Variants in PPFIA2 observed in about 807,000 individuals in gnomAD.
The protein encoded by PPFIA2 is liprin-alpha-2.
PPFIA2 carries 46 observed loss-of-function variants against 175.5 expected under a neutral mutation model. That is an observed-to-expected ratio of 0.26 (90% CI 0.21 to 0.34). The LOEUF (loss-of-function observed/expected upper bound fraction) is 0.34, where lower values mean the gene tolerates loss of function less well. Ranked by LOEUF, PPFIA2 falls within the 10% of genes least tolerant of loss-of-function variation. The pLI is 1.00. For missense variants in PPFIA2, 1,179 were observed against 1,506.1 expected (o/e 0.78, Z 3.60); for synonymous variants, 568 against 511.4 (o/e 1.11, Z -1.49).
intron 4 of PPFIA2, among the ~76,000 whole-genome samples, chr12:81,566,989 G>A (rs184647538): frequency 6.6e-6 from 1 of 152,320 alleles, no homozygotes; most frequent in African/African-American, 2.4e-5. Context: ...TAGTAATGCA[G>A]TTTATAAAAT....
chr12:81,541,681 C>T (rs1594732588), intron 4 of PPFIA2, among the ~76,000 whole-genome samples: 3 of 152,106 alleles, frequency 2.0e-5, no homozygotes, highest in Admixed American at 2.0e-4. Flanking sequence ...TAAAAAAAAC[C>T]CTGCTAATAG....
chr12:81,690,953 T>C (rs2075168537), intron 3 of PPFIA2, among the ~76,000 whole-genome samples: 1 of 152,144 alleles, frequency 6.6e-6, no homozygotes, highest in African/African-American at 2.4e-5. Flanking sequence ...GCCTCCTTCT[T>C]ATAAGGACTC....
intron 4 of PPFIA2, among the ~76,000 whole-genome samples, chr12:81,521,651 CAAAAAAA>C (rs1167533871): frequency 1.4e-4 from 12 of 87,534 alleles, no homozygotes; most frequent in Non-Finnish European, 2.2e-4. Context: ...TAATAAAATA[CAAAAAAA>C]AAAAAAAAAA....
At chr12:81,483,809 G>T (rs926645134) in intron 4 of PPFIA2, among the ~76,000 whole-genome samples, 5 of 151,882 alleles carry the variant, frequency 3.3e-5, no homozygotes, top group Non-Finnish European at 7.4e-5. Flanking sequence ...AATTCTATAA[G>T]ATATATATTT....
intron 4 of PPFIA2, among the ~76,000 whole-genome samples, chr12:81,664,302 C>T (rs1293695376): frequency 6.6e-6 from 1 of 152,036 alleles, no homozygotes; most frequent in Middle Eastern, 3.4e-3. Flanking sequence ...TGACAAAGGG[C>T]TAATATCCAG....
intron 4 of PPFIA2, among the ~76,000 whole-genome samples, chr12:81,610,085 A>G (rs566444293): frequency 2.0e-5 from 3 of 152,266 alleles, no homozygotes; most frequent in African/African-American, 7.2e-5. Context: ...GGACACTGAT[A>G]ACAGTCTCCC....
At chr12:81,261,871 A>G in intron 32 of PPFIA2, 78 bp downstream of exon 32, 2 of 925,772 alleles carry the variant, frequency 2.2e-6, no homozygotes, top group Admixed American at 5.1e-5. Context: ...ACCAAAGAGT[A>G]TAGTGTATAT....
At chr12:81,349,833 G>C (rs924657416) in intron 17 of PPFIA2, among the ~76,000 whole-genome samples, 2 of 152,140 alleles carry the variant, frequency 1.3e-5, no homozygotes, top group Non-Finnish European at 2.9e-5. Flanking sequence ...TGTGGCAAAT[G>C]AGTTTGAAGT....
chr12:81,590,438 C>A (rs924408444), intron 4 of PPFIA2, among the ~76,000 whole-genome samples: 1 of 152,128 alleles, frequency 6.6e-6, no homozygotes, highest in African/African-American at 2.4e-5. Context: ...TATCCATATA[C>A]TAATTACCAT....
chr12:81,423,626 C>A (rs1056908013), intron 7 of PPFIA2, among the ~76,000 whole-genome samples: 1 of 152,102 alleles, frequency 6.6e-6, no homozygotes, highest in Non-Finnish European at 1.5e-5. Flanking sequence ...GGGAAAAGTA[C>A]ATAGCTAACA....
At chr12:81,389,883 C>T (rs1759771582) in intron 8 of PPFIA2, among the ~76,000 whole-genome samples, 1 of 152,018 alleles carries the variant, frequency 6.6e-6, no homozygotes, top group Admixed American at 6.6e-5. Context: ...GCGCAACTAT[C>T]AACATTAGTT....
chr12:81,624,690 A>G (rs992167265), intron 4 of PPFIA2, among the ~76,000 whole-genome samples: 1 of 149,588 alleles, frequency 6.7e-6, no homozygotes, highest in Non-Finnish European at 1.5e-5. Context: ...ACTTGGATGG[A>G]GCTGGAAGCC....
chr12:81,437,021 A>T (rs1177057758), intron 7 of PPFIA2, among the ~76,000 whole-genome samples: 1 of 152,222 alleles, frequency 6.6e-6, no homozygotes, highest in Non-Finnish European at 1.5e-5. Context: ...GTAGATACAC[A>T]GGAGTGCTAA....
At chr12:81,560,102 G>A (rs1353306074) in intron 4 of PPFIA2, among the ~76,000 whole-genome samples, 1 of 152,084 alleles carries the variant, frequency 6.6e-6, no homozygotes, top group Non-Finnish European at 1.5e-5. Context: ...AATAATACAG[G>A]TACTGTAGAC....
At chr12:81,361,188 G>A (rs2030068941) in intron 15 of PPFIA2, among the ~76,000 whole-genome samples, 1 of 151,590 alleles carries the variant, frequency 6.6e-6, no homozygotes, top group Non-Finnish European at 1.5e-5. Context: ...ACAACACTTT[G>A]AAACTCTGTA....
At chr12:81,524,198 G>A (rs906988571) in intron 4 of PPFIA2, among the ~76,000 whole-genome samples, 34 of 152,136 alleles carry the variant, frequency 2.2e-4, no homozygotes, top group Admixed American at 6.5e-5. Flanking sequence ...GGAGCCATAG[G>A]GTTGGTTCTA....
Position 81,375,938 on chromosome 12 carries a change from A to G in PPFIA2, c.989T>C (p.Met330Thr). 6.2e-7 allele frequency: 1 copy of G among 1,610,688 alleles called. No homozygotes were observed. The highest frequency in any genetic ancestry group is 8.5e-7 in the Non-Finnish European group (1 of 1,178,584). ...TKYQRDIREA[M>T]AQKEDMEERI... ...TTCTTCCATATCTTCCTTTTGTGCC[A>G]TGGCCTACAATTAAAATAATTTAGA... is the stretch of plus-strand genomic sequence containing the variant. Residue 330 changes from methionine to threonine, a missense_variant, in exon 10 of 33, where the codon ATG (methionine) becomes ACG (threonine). Around this residue, in one of 10 missense-constraint regions of PPFIA2, gnomAD observed 226 missense variants for 216.6 expected, o/e 1.04. Coordinates refer to ENST00000549396, the MANE Select transcript of PPFIA2 (RefSeq NM_003625.5).
At chr12:81,311,424 C>A (rs982598913) in intron 22 of PPFIA2, among the ~76,000 whole-genome samples, 40 of 152,066 alleles carry the variant, frequency 2.6e-4, no homozygotes, top group African/African-American at 8.7e-4. Context: ...GAACATAACA[C>A]AGGTGGAACA....
At chr12:81,508,026 C>T (rs1252496379) in intron 4 of PPFIA2, among the ~76,000 whole-genome samples, 2 of 152,130 alleles carry the variant, frequency 1.3e-5, no homozygotes, top group Admixed American at 6.5e-5. Context: ...CTACTTCTGA[C>T]ATAAATAAGT....
Sources: allele counts gnomAD v4.1 joint callset (sites outside exome capture counted in the v4.1 genomes callset), GRCh38; gene constraint gnomAD v4.1.1; regional missense constraint gnomAD v4.1.1; transcripts MANE v1.5; gene names NCBI Gene and HGNC (gene_info 2026-07-23, HGNC 2026-07-21).